SLC35F6: variants seen among roughly 807,000 people sequenced by gnomAD.
SLC35F6 encodes the protein ANT2-binding protein.
A neutral mutation model predicts 29.4 loss-of-function variants in SLC35F6; 26 were observed. That is an observed-to-expected ratio of 0.89 (90% confidence interval 0.65 to 1.23). The LOEUF is 1.23. Ranked by LOEUF, SLC35F6 falls within the 50% of genes most tolerant of loss-of-function variation. The pLI is 0.00. For synonymous variants in SLC35F6, 174 were observed against 206.6 expected, an observed-to-expected ratio of 0.84 and a Z score of 1.35; for missense variants, 428 against 487.8, an observed-to-expected ratio of 0.88 and a Z score of 1.15.
chr2:26,775,824 G>A lies in SLC35F6; in HGVS notation c.535+148G>A. The A allele has an allele frequency of 1.0e-6, 1 of 954,672 alleles. No individual in the cohort carries two copies. The highest frequency in any genetic ancestry group is 1.5e-6 in the Non-Finnish European group (1 of 660,334). The allele number at this position is 954,672 out of a possible 1,614,324, so 59.1% of individuals were successfully genotyped here. On this transcript the variant is annotated intron_variant, in intron 4 of 5. Transcript: ENST00000344420. The surrounding 1 kb of genome is among the most constrained non-coding windows in gnomAD (Gnocchi z 4.6). ...TCTGGAGGTGATGGATAGAATGTAG[G>A]GAAGACTGCAAAGGGATGTGGCTCC...
chr2:26,768,519 G>T (rs1664134794), intron 1 of SLC35F6, among the ~76,000 whole-genome samples: 1 of 151,828 alleles, frequency 6.6e-6, no homozygotes, highest in Non-Finnish European at 1.5e-5. Context: ...CTGCCACCAT[G>T]CCCGGATAAT....
At chr2:26,771,926 G>A (rs893018903) in intron 1 of SLC35F6, among the ~76,000 whole-genome samples, 1 of 152,162 alleles carries the variant, frequency 6.6e-6, no homozygotes, top group African/African-American at 2.4e-5. Flanking sequence ...TTGCCCCACT[G>A]GTACTGGTTA....
intron 5 of SLC35F6, 93 bp from the exon 6 acceptor site, chr2:26,777,949 G>A: frequency 2.5e-6 from 3 of 1,217,014 alleles, no homozygotes; most frequent in Non-Finnish European, 3.5e-6. Flanking sequence ...CCACTGGGAG[G>A]GAATGACCCG....
intron 4 of SLC35F6, among the ~76,000 whole-genome samples, chr2:26,776,114 T>TAG (rs1664295778): frequency 6.6e-6 from 1 of 152,228 alleles, no homozygotes; most frequent in South Asian, 2.1e-4. Flanking sequence ...TCAAAGCCTG[T>TAG]TGCTTCTTGA....
rs1664054736 is a variant in SLC35F6, at chr2:26,764,338, G to T, written c.-12G>T. 4 of 1,549,768 alleles carry T rather than the reference G, an allele frequency of 2.6e-6. No homozygotes were observed. The Admixed American group carries it at 7.8e-5, about 30-fold the overall frequency. ...GCGCCGCTAACTGGAGCGAACCCCA[G>T]CGTCCGCCGACATGGCCTGGACCAA... On this transcript the variant is annotated 5_prime_UTR_variant, in exon 1 of 6. Coordinates refer to ENST00000344420, the MANE Select transcript of SLC35F6 (RefSeq NM_017877.4).
Position 26,764,286 on chromosome 2 carries a change from G to T in SLC35F6, c.-64G>T, listed in dbSNP as rs1225815988. ...TGACGCCCGGCCCGGAAGCGCTCGC[G>T]CAGGAGACCCCGGGTGACGGGGCCC... On this transcript the variant is annotated 5_prime_UTR_variant, in exon 1 of 6. Coordinates refer to ENST00000344420, the MANE Select transcript of SLC35F6 (RefSeq NM_017877.4). 1 of 1,534,854 alleles carries T rather than the reference G, an allele frequency of 6.5e-7. No homozygotes were observed. Among genetic ancestry groups the T allele is most frequent in the Non-Finnish European group, 8.8e-7 (1 of 1,137,418 alleles).
rs369758445 is a variant in SLC35F6 at position 26,764,631 on chromosome 2, C to G, written c.77+205C>G. 4.1e-4 allele frequency among the ~76,000 whole-genome samples: 62 copies of G among 152,344 alleles called. 1 individual carries two copies. The highest frequency in any genetic ancestry group is 1.4e-3 in the African/African-American group (60 of 41,598). On this transcript the variant is annotated intron_variant, in intron 1 of 5. Coordinates refer to ENST00000344420, the MANE Select transcript of SLC35F6 (RefSeq NM_017877.4). ...GCCCCGGACGGGGGGATCCGAGCCC[C>G]GGCTTTGATTTGCTGTACAGCCTCC...
At position 26,775,595 on chromosome 2, in the gene SLC35F6, A is replaced by T. The variant is rs1286790411; in HGVS notation, c.454A>T (p.Ile152Phe). 1 of 1,608,148 alleles carries T rather than the reference A, an allele frequency of 6.2e-7. No individual in the cohort carries two copies. Among genetic ancestry groups the T allele is most frequent in the African/African-American group, 1.3e-5 (1 of 74,952 alleles). The change falls in exon 4 of 6, where the codon ATC becomes TTC. Residue 152 changes from isoleucine (I) to phenylalanine (F), a missense_variant. Physicochemically the swap from Ile to Phe is conservative, Grantham distance 21. Coordinates refer to ENST00000344420, the MANE Select transcript of SLC35F6 (RefSeq NM_017877.4). The surrounding 1 kb of genome is among the most constrained non-coding windows in gnomAD (Gnocchi z 4.6). Reference protein sequence around the residue: ...LSQWLGILATIAGLVVVGLAD... With the variant: ...LSQWLGILATFAGLVVVGLAD... ...CCAGTGGCTGGGCATCCTAGCCACC[A>T]TCGCGGGGCTGGTGGTCGTGGGCCT...
At position 26,779,033 on chromosome 2, in the gene SLC35F6, C is replaced by G. The variant is rs1261639370; in HGVS notation, c.*522C>G. 1.3e-5 allele frequency: 2 copies of G among 152,546 alleles called. No individual in the cohort carries two copies. The highest frequency in any genetic ancestry group is 4.8e-5 in the African/African-American group (2 of 41,388). The allele number at this position is 152,546 out of a possible 1,614,324, so 9.4% of individuals were successfully genotyped here. ...GCGGCTCACTACAACCTCTGCCTCC[C>G]AGGTTCAAATGATTCTCCTGCCTCA... is the stretch of plus-strand genomic sequence containing the variant. On this transcript the variant is annotated 3_prime_UTR_variant, in exon 6 of 6. Transcript: ENST00000344420.
chr2:26,765,785 C>T (rs1350068102), intron 1 of SLC35F6, among the ~76,000 whole-genome samples: 1 of 152,194 alleles, frequency 6.6e-6, no homozygotes, highest in African/African-American at 2.4e-5. Context: ...TCCTGAGGAT[C>T]ACTCCTCATG....
In SLC35F6 at chr2:26,775,558, G is replaced by A; in HGVS notation, c.417G>A (p.Arg139=). 6.2e-7 allele frequency: 1 copy of A among 1,608,458 alleles called. No individual in the cohort carries two copies. Among genetic ancestry groups the A allele is most frequent in the Non-Finnish European group, 8.5e-7 (1 of 1,179,260 alleles). The change falls in exon 4 of 6, where the codon AGG becomes AGA. Residue 139 remains arginine, a synonymous_variant. Coordinates refer to ENST00000344420, the MANE Select transcript of SLC35F6 (RefSeq NM_017877.4). The surrounding 1 kb of genome is among the most constrained non-coding windows in gnomAD (Gnocchi z 4.6). ...GLFSVAFLGR[R]LVLSQWLGIL... is the part of the protein sequence containing the mutation. ...TCTCGGTGGCCTTCCTGGGCCGGAG[G>A]CTGGTGCTGAGCCAGTGGCTGGGCA...
intron 1 of SLC35F6, 145 bp from the exon 2 acceptor site, chr2:26,774,106 T>C (rs1664253417): frequency 4.0e-6 from 3 of 755,074 alleles, no homozygotes; most frequent in Non-Finnish European, 6.5e-6. Flanking sequence ...CTCCTTGAGG[T>C]GAAGACTGAC....
intron 1 of SLC35F6, among the ~76,000 whole-genome samples, chr2:26,772,658 G>A (rs1193049945): frequency 6.6e-6 from 1 of 152,178 alleles, no homozygotes; most frequent in Admixed American, 6.5e-5. Context: ...AGTGGCCAGG[G>A]GTGAAAGGTT....
chr2:26,777,958 C>A (rs183157533), intron 5 of SLC35F6, 84 bp from the exon 6 acceptor site: 1 of 1,330,474 alleles, frequency 7.5e-7, no homozygotes. Context: ...GGGAATGACC[C>A]GAGATCAGAG....
rs1300787727 is a variant in SLC35F6 at position 26,780,946 on chromosome 2, T to C, written c.*2435T>C. On this transcript the variant is annotated 3_prime_UTR_variant, in exon 6 of 6. Coordinates refer to ENST00000344420, the MANE Select transcript of SLC35F6 (RefSeq NM_017877.4). ...GGGATTCCAGCAGGTTATTACAGCTTGTGGGGGGAGGGAGGGTCCATTCCA... is the reference window on the plus strand; with the variant it reads ...GGGATTCCAGCAGGTTATTACAGCTCGTGGGGGGAGGGAGGGTCCATTCCA... 2.6e-5 allele frequency: 4 copies of C among 152,060 alleles called. No individual in the cohort carries two copies. The highest frequency in any genetic ancestry group is 5.9e-5 in the Non-Finnish European group (4 of 68,042). 9.4% of individuals were successfully genotyped at this position (152,060 alleles called of 1,614,324 possible).
chr2:26,776,569 G>GT (rs1204972741), intron 5 of SLC35F6, 87 bp downstream of exon 5: 3 of 1,239,166 alleles, frequency 2.4e-6, no homozygotes, highest in African/African-American at 1.5e-5. Context: ...GGGTTCACTT[G>GT]TGGGGGGTGA....
In SLC35F6 at chr2:26,779,836, T is replaced by C. The variant is rs1664376056; in HGVS notation, c.*1325T>C. On this transcript the variant is annotated 3_prime_UTR_variant, in exon 6 of 6. Transcript: ENST00000344420. ...CAGCCTTTTTTTTTTTTTTTTTTTT[T>C]TCTTGAGAGACAGGGTCTTGCTCTG... 6.7e-6 allele frequency: 1 copy of C among 149,880 alleles called. No individual in the cohort carries two copies. Among genetic ancestry groups the C allele is most frequent in the Non-Finnish European group, 1.5e-5 (1 of 67,694 alleles). 9.3% of individuals were successfully genotyped at this position (149,880 alleles called of 1,614,324 possible). A position where few individuals can be genotyped will look rare whatever the true frequency, so the allele number is the denominator to read the frequency against.
Position 26,780,724 on chromosome 2 carries a change from A to G in SLC35F6, c.*2213A>G, listed in dbSNP as rs887023658. 3 of 152,194 alleles carry G rather than the reference A, an allele frequency of 2.0e-5. No individual in the cohort carries two copies. Among genetic ancestry groups the G allele is most frequent in the African/African-American group, 7.2e-5 (3 of 41,424 alleles). 9.4% of individuals were successfully genotyped at this position (152,194 alleles called of 1,614,324 possible). A position where few individuals can be genotyped will look rare whatever the true frequency, so the allele number is the denominator to read the frequency against. ...CTCATGTACTGTTGTCTTCTAGGTA[A>G]CCACCCTGAAGAGAAGGGGTGGCAT... On this transcript the variant is annotated 3_prime_UTR_variant, in exon 6 of 6. Transcript: ENST00000344420.
In SLC35F6 at chr2:26,767,090, A is replaced by C. The variant is rs187311006; in HGVS notation, c.77+2664A>C. Among the ~76,000 whole-genome samples, 17 of 152,354 alleles carry C rather than the reference A, an allele frequency of 1.1e-4. No homozygotes were observed. The East Asian group carries it at 3.3e-3, about 29-fold the overall frequency. The stretch of plus-strand genomic sequence containing the variant: ...GGTGTCTGAATGAAGGCTGGAACCC[A>C]GGCCTCAGGACTTTAAGTCCTGTTC... On this transcript the variant is annotated intron_variant, in intron 1 of 5. Transcript: ENST00000344420.
Sources: gnomAD v4.1 joint callset for allele counts (sites outside exome capture counted in the v4.1 genomes callset) on GRCh38, gnomAD v4.1.1 for gene constraint, Gnocchi (gnomAD v3.1) non-coding constraint, MANE v1.5 for transcripts, NCBI Gene and HGNC (gene_info 2026-07-23, HGNC 2026-07-21) for gene names.